The following PLXDC2 variants were observed in gnomAD, a reference collection of about 807,000 sequenced individuals.
PLXDC2 encodes the protein plexin domain-containing protein 2.
In PLXDC2, 40 loss-of-function variants were observed where a neutral mutation model predicts 68.9. The observed-to-expected ratio is 0.58, with a 90% CI of 0.45 to 0.76. PLXDC2 has a LOEUF of 0.76. Ranked by LOEUF, PLXDC2 falls within the 30% of genes least tolerant of loss-of-function variation. PLXDC2 has a pLI of 0.00. For synonymous variants in PLXDC2, 243 were observed against 234.2 expected (o/e 1.04, Z -0.34); for missense variants, 644 against 661.9 (o/e 0.97, Z 0.30).
chr10:20,156,695 G>A (rs987185627), intron 6 of PLXDC2, among the ~76,000 whole-genome samples: 32 of 152,154 alleles, frequency 2.1e-4, no homozygotes, highest in Admixed American at 3.9e-4. Flanking sequence ...GGAATTGATC[G>A]TTTGATGATA....
intron 1 of PLXDC2, among the ~76,000 whole-genome samples, chr10:19,880,845 G>A (rs1038681825): frequency 2.0e-5 from 3 of 152,114 alleles, no homozygotes; most frequent in Admixed American, 2.0e-4. Flanking sequence ...ATAGGAATCA[G>A]CAAAGATGAT....
At chr10:20,083,109 G>C (rs1714653627) in intron 4 of PLXDC2, among the ~76,000 whole-genome samples, 1 of 152,112 alleles carries the variant, frequency 6.6e-6, no homozygotes, top group Non-Finnish European at 1.5e-5. Context: ...CCCCCTAAGA[G>C]ACTTGACAGA....
At chr10:20,083,911 A>G (rs1833153017) in intron 4 of PLXDC2, among the ~76,000 whole-genome samples, 1 of 152,246 alleles carries the variant, frequency 6.6e-6, no homozygotes, top group African/African-American at 2.4e-5. Flanking sequence ...AAAGATTTTC[A>G]TGATTCTTGG....
At chr10:19,982,012 G>T (rs549594050) in intron 1 of PLXDC2, among the ~76,000 whole-genome samples, 5 of 152,206 alleles carry the variant, frequency 3.3e-5, no homozygotes, top group African/African-American at 1.2e-4. Flanking sequence ...CCCTTTGACA[G>T]AGTAAAACGA....
At chr10:20,150,458 TAAC>T in intron 6 of PLXDC2, among the ~76,000 whole-genome samples, 1 of 152,248 alleles carries the variant, frequency 6.6e-6, no homozygotes, top group African/African-American at 2.4e-5. Flanking sequence ...CTCAAAGAAA[TAAC>T]ATCAGGGCTG....
At chr10:19,979,496 A>G (rs1339548493) in intron 1 of PLXDC2, among the ~76,000 whole-genome samples, 1 of 150,600 alleles carries the variant, frequency 6.6e-6, no homozygotes, top group Admixed American at 6.7e-5. Context: ...CTCCTGCCTC[A>G]CCCTCTCAAT....
At position 20,177,360 on chromosome 10, in the gene PLXDC2, G is replaced by A; in HGVS notation, c.1012G>A (p.Val338Ile). 2 of 1,605,104 alleles carry A rather than the reference G, an allele frequency of 1.2e-6. No homozygotes were observed. The highest frequency in any genetic ancestry group is 8.5e-7 in the Non-Finnish European group (1 of 1,172,478). ...CCAGTTTAACAGATGTGGCCCCTGT[G>A]TATCTTCTCAGATTGGCTTCAACTG... ...CLQFNRCGPC[V>I]SSQIGFNCSW... Residue 338 changes from valine to isoleucine, a missense_variant, in exon 9 of 14, where the codon GTA becomes ATA. Coordinates refer to ENST00000377252, the MANE Select transcript of PLXDC2 (RefSeq NM_032812.9).
chr10:19,987,660 C>G (rs1313834552), intron 1 of PLXDC2, among the ~76,000 whole-genome samples: 4 of 151,728 alleles, frequency 2.6e-5, no homozygotes, highest in South Asian at 2.1e-4. Context: ...CTCCAGGGTT[C>G]ACGCCATTCT....
intron 4 of PLXDC2, among the ~76,000 whole-genome samples, chr10:20,114,544 T>C (rs914210504): frequency 4.5e-4 from 68 of 152,228 alleles, no homozygotes; most frequent in African/African-American, 1.5e-3. Context: ...TTTAACTCAG[T>C]GTGAGAAGAC....
intron 4 of PLXDC2, among the ~76,000 whole-genome samples, chr10:20,103,310 G>C (rs1296870902): frequency 6.6e-6 from 1 of 152,142 alleles, no homozygotes; most frequent in African/African-American, 2.4e-5. Flanking sequence ...TTTTAATACT[G>C]TTTTATGGAA....
chr10:20,130,342 A>G (rs1341909583), intron 4 of PLXDC2, among the ~76,000 whole-genome samples: 2 of 152,200 alleles, frequency 1.3e-5, no homozygotes, highest in East Asian at 1.9e-4. Flanking sequence ...TGATTTTCGC[A>G]TGTTTATTGT....
At chr10:20,080,572 A>G (rs904891773) in intron 4 of PLXDC2, among the ~76,000 whole-genome samples, 1 of 152,166 alleles carries the variant, frequency 6.6e-6, no homozygotes, top group Non-Finnish European at 1.5e-5. Context: ...TGAAGGCCAG[A>G]AGAGTCAGCA....
At chr10:19,817,807 C>T (rs929567237) in intron 1 of PLXDC2, among the ~76,000 whole-genome samples, 1 of 152,216 alleles carries the variant, frequency 6.6e-6, no homozygotes, top group Non-Finnish European at 1.5e-5. Context: ...TGGAGACCTA[C>T]CCCTGCTCCC....
chr10:20,060,210 T>C (rs1013609638), intron 3 of PLXDC2, among the ~76,000 whole-genome samples: 1 of 151,964 alleles, frequency 6.6e-6, no homozygotes, highest in Non-Finnish European at 1.5e-5. Context: ...TTTATTTTTG[T>C]AGAGACAGGG....
intron 4 of PLXDC2, among the ~76,000 whole-genome samples, chr10:20,081,942 G>A (rs1283556062): frequency 6.6e-6 from 1 of 151,404 alleles, no homozygotes; most frequent in Non-Finnish European, 1.5e-5. Context: ...GTACTTGGGA[G>A]GCTGAGGCAG....
At chr10:19,991,168 C>A (rs1280893084) in intron 1 of PLXDC2, among the ~76,000 whole-genome samples, 2 of 151,686 alleles carry the variant, frequency 1.3e-5, no homozygotes, top group African/African-American at 2.4e-5. Context: ...ACTGCTTGAA[C>A]CTGGGAGGCA....
intron 12 of PLXDC2, among the ~76,000 whole-genome samples, chr10:20,223,199 G>A (rs563827282): frequency 6.6e-6 from 1 of 151,994 alleles, no homozygotes; most frequent in East Asian, 1.9e-4. Flanking sequence ...GTACAAAAAT[G>A]TTAAGTTATG....
intron 1 of PLXDC2, among the ~76,000 whole-genome samples, chr10:19,967,538 A>G (rs1369502797): frequency 1.3e-5 from 2 of 152,184 alleles, no homozygotes; most frequent in Non-Finnish European, 2.9e-5. Context: ...TAAACATACT[A>G]AGAGAAAACA....
At chr10:19,846,479 C>T (rs896533653) in intron 1 of PLXDC2, among the ~76,000 whole-genome samples, 1 of 152,042 alleles carries the variant, frequency 6.6e-6, no homozygotes, top group East Asian at 1.9e-4. Context: ...TGATGTGATA[C>T]CTTCCATTTA....
Sources: gnomAD v4.1 joint callset for allele counts (sites outside exome capture counted in the v4.1 genomes callset) on GRCh38, gnomAD v4.1.1 for gene constraint, MANE v1.5 for transcripts, NCBI Gene and HGNC (gene_info 2026-07-23, HGNC 2026-07-21) for gene names.